SDK1: variants seen among roughly 807,000 people sequenced by gnomAD.
SDK1 encodes the protein sidekick cell adhesion molecule 1, also known as protein sidekick-1.
SDK1 carries 157 observed loss-of-function variants against 245.5 expected under a neutral mutation model. That is an observed-to-expected ratio of 0.64 (90% CI 0.56 to 0.73). The LOEUF is 0.73. Ranked by LOEUF, SDK1 falls within the 30% of genes least tolerant of loss-of-function variation. The probability of loss-of-function intolerance (pLI) is 0.00; values close to 1 mark genes in which losing one functional copy is unlikely to be tolerated. For missense variants in SDK1, 3,583 were observed against 3,002.3 expected (o/e 1.19, Z -4.52); for synonymous variants, 1,647 against 1,278.5 (o/e 1.29, Z -6.15).
chr7:3,927,360 A>T (rs757038267), intron 5 of SDK1, among the ~76,000 whole-genome samples: 5 of 151,970 alleles, frequency 3.3e-5, no homozygotes, highest in Non-Finnish European at 5.9e-5. Flanking sequence ...GGAGCATTTC[A>T]TTTATTGAGC....
chr7:4,157,757 G>T (rs924114167), intron 30 of SDK1, among the ~76,000 whole-genome samples: 4 of 152,154 alleles, frequency 2.6e-5, no homozygotes, highest in African/African-American at 9.7e-5. Context: ...TGGGAATAAT[G>T]ATGCCTCCTC....
chr7:3,858,444 C>T (rs1315753598), intron 5 of SDK1, among the ~76,000 whole-genome samples: 1 of 150,568 alleles, frequency 6.6e-6, no homozygotes, highest in Non-Finnish European at 1.5e-5. Context: ...GTATATACAT[C>T]TAAGTGAATT....
intron 1 of SDK1, among the ~76,000 whole-genome samples, chr7:3,603,859 C>G (rs1781329816): frequency 6.6e-6 from 1 of 152,168 alleles, no homozygotes. Context: ...TACGTCCCAT[C>G]AATACCTAAT....
chr7:3,431,775 C>T (rs77903905), intron 1 of SDK1, among the ~76,000 whole-genome samples: 6,924 of 152,166 alleles, frequency 0.046, 477 homozygotes, highest in African/African-American at 0.15. Flanking sequence ...TCTATGTCTT[C>T]ATATGTAAAA....
intron 8 of SDK1, among the ~76,000 whole-genome samples, chr7:3,960,602 G>A (rs1283779571): frequency 1.3e-5 from 2 of 152,190 alleles, no homozygotes; most frequent in Non-Finnish European, 2.9e-5. Context: ...GACCCACCGT[G>A]CTTTGTAACC....
intron 19 of SDK1, among the ~76,000 whole-genome samples, chr7:4,063,219 A>G (rs1239884035): frequency 6.6e-6 from 1 of 152,190 alleles, no homozygotes; most frequent in East Asian, 1.9e-4. Context: ...TCCACCAAAA[A>G]ACTCCTATAT....
At chr7:3,913,165 G>A (rs898216496) in intron 5 of SDK1, among the ~76,000 whole-genome samples, 17 of 152,212 alleles carry the variant, frequency 1.1e-4, no homozygotes, top group Admixed American at 3.9e-4. Flanking sequence ...AGCCTTCAGG[G>A]CATCGGTATG....
At chr7:3,412,539 T>G (rs1583820108) in intron 1 of SDK1, among the ~76,000 whole-genome samples, 1 of 152,240 alleles carries the variant, frequency 6.6e-6, no homozygotes, top group Non-Finnish European at 1.5e-5. Flanking sequence ...TCATGGACAT[T>G]ATAACCTTTT....
chr7:3,466,058 A>G (rs976257115), intron 1 of SDK1, among the ~76,000 whole-genome samples: 2 of 151,884 alleles, frequency 1.3e-5, no homozygotes, highest in African/African-American at 4.8e-5. Flanking sequence ...CAGATGGGCA[A>G]CTCAGCTAGG....
chr7:4,193,807 C>T (rs533071437), intron 35 of SDK1, among the ~76,000 whole-genome samples: 51 of 152,222 alleles, frequency 3.4e-4, no homozygotes, highest in African/African-American at 1.2e-3. Context: ...TCCCTGAGTT[C>T]ATCATTTTCT....
intron 4 of SDK1, among the ~76,000 whole-genome samples, chr7:3,689,702 T>C (rs1264316825): frequency 6.6e-6 from 1 of 152,216 alleles, no homozygotes; most frequent in African/African-American, 2.4e-5. Flanking sequence ...TAATGAGGAT[T>C]AGGTTAGATG....
intron 1 of SDK1, among the ~76,000 whole-genome samples, chr7:3,337,514 A>T (rs1019137245): frequency 6.6e-6 from 1 of 152,218 alleles, no homozygotes; most frequent in Non-Finnish European, 1.5e-5. Flanking sequence ...AAATTTGGTG[A>T]AAGACAGAAA....
chr7:3,883,178 G>C (rs1203201168), intron 5 of SDK1, among the ~76,000 whole-genome samples: 1 of 152,142 alleles, frequency 6.6e-6, no homozygotes, highest in African/African-American at 2.4e-5. Flanking sequence ...CAGTGGGCAG[G>C]ACCCCACACA....
At chr7:3,428,836 C>A (rs1253322067) in intron 1 of SDK1, among the ~76,000 whole-genome samples, 1 of 151,920 alleles carries the variant, frequency 6.6e-6, no homozygotes, top group Non-Finnish European at 1.5e-5. Context: ...ATAAAAAATC[C>A]CTGGAAAGGA....
At chr7:3,350,955 A>C (rs538581605) in intron 1 of SDK1, among the ~76,000 whole-genome samples, 2 of 152,338 alleles carry the variant, frequency 1.3e-5, no homozygotes, top group Admixed American at 6.5e-5. Context: ...GGTAGGGTAA[A>C]CACAATTAGT....
intron 30 of SDK1, among the ~76,000 whole-genome samples, chr7:4,154,137 G>C (rs951701394): frequency 2.0e-5 from 3 of 152,190 alleles, no homozygotes; most frequent in Non-Finnish European, 4.4e-5. Context: ...TCTGCATTTA[G>C]CTCTGAGGCA....
chr7:4,164,733 G>T (rs1781391366), intron 32 of SDK1, among the ~76,000 whole-genome samples: 1 of 152,218 alleles, frequency 6.6e-6, no homozygotes, highest in Admixed American at 6.5e-5. Context: ...ACGGTGCAGG[G>T]CTCGAGCTCC....
intron 1 of SDK1, among the ~76,000 whole-genome samples, chr7:3,467,783 T>C (rs189389034): frequency 6.6e-6 from 1 of 152,128 alleles, no homozygotes; most frequent in Non-Finnish European, 1.5e-5. Flanking sequence ...TTGGATAGTG[T>C]TCAATTAAAA....
At chr7:4,041,599 T>G (rs1451498445) in intron 17 of SDK1, among the ~76,000 whole-genome samples, 1 of 152,066 alleles carries the variant, frequency 6.6e-6, no homozygotes, top group East Asian at 1.9e-4. Flanking sequence ...GCTCCTCCTG[T>G]TCACCCCTCC....
Sources: allele counts gnomAD v4.1 joint callset (sites outside exome capture counted in the v4.1 genomes callset), GRCh38; gene constraint gnomAD v4.1.1; transcripts MANE v1.5; gene names NCBI Gene and HGNC (gene_info 2026-07-23, HGNC 2026-07-21).